Variants in EVL observed in about 807,000 individuals in gnomAD.
EVL encodes the protein Enah/Vasp-like.
EVL carries 21 observed loss-of-function variants against 59.6 expected under a neutral mutation model. The ratio of observed to expected loss-of-function variants is 0.35; its 90% CI spans 0.25 to 0.51. The LOEUF (loss-of-function observed/expected upper bound fraction) is 0.51. EVL is among the 20% of genes least tolerant of loss of function. The pLI is 0.97. For synonymous variants in EVL, 198 were observed against 203.5 expected (o/e 0.97, Z 0.23); for missense variants, 462 against 546.6 (o/e 0.85, Z 1.54).
intron 1 of EVL, among the ~76,000 whole-genome samples, chr14:100,021,601 A>C (rs1005934598): frequency 1.3e-5 from 2 of 152,174 alleles, no homozygotes; most frequent in Non-Finnish European, 2.9e-5. Context: ...TTTAGCATGC[A>C]GCAGAATCCC....
In EVL at chr14:100,013,639, G is replaced by A. The variant is rs2061031582; in HGVS notation, c.5+41582G>A. Among the ~76,000 whole-genome samples the A allele has an allele frequency of 4.6e-5, 7 of 152,192 alleles. No homozygotes were observed. In the South Asian group the frequency reaches 1.4e-3, roughly 32 times the overall value. On this transcript the variant is annotated intron_variant, in intron 1 of 13. Coordinates refer to the EVL transcript ENST00000402714. ...TTGATTGGGCCATGAGAAAAGAATA[G>A]TATTTTTAGTCATGTTCATAGCTGA...
intron 3 of EVL, among the ~76,000 whole-genome samples, chr14:100,117,979 G>A (rs1032842887): frequency 2.0e-5 from 3 of 152,218 alleles, no homozygotes; most frequent in African/African-American, 7.2e-5. Flanking sequence ...GTATTGCATT[G>A]ACTATAGGTC....
chr14:99,982,383 GGGACCAAAGGGTATAAACATTTTAAA>G (rs1307964769), intron 1 of EVL, among the ~76,000 whole-genome samples: 4 of 152,022 alleles, frequency 2.6e-5, no homozygotes, highest in African/African-American at 9.7e-5. Flanking sequence ...TGGTATTTTT[GGGACCAAAGGGTATAAACATTTTAAA>G]GGCTATCAAT....
chr14:100,143,320 C>A (rs999670292), intron 13 of EVL, among the ~76,000 whole-genome samples: 1 of 152,014 alleles, frequency 6.6e-6, no homozygotes, highest in Admixed American at 6.5e-5. Flanking sequence ...GGCTCCCGGG[C>A]CCCCGGCACC....
intron 1 of EVL, among the ~76,000 whole-genome samples, chr14:100,084,115 A>G (rs1260280302): frequency 6.8e-6 from 1 of 146,096 alleles, no homozygotes; most frequent in African/African-American, 2.6e-5. Context: ...GCAGTGGTGC[A>G]ATCTTGGCTC....
rs528589699 is a variant in EVL, at chr14:100,037,447, A to G, written c.6-47240A>G. ...AATCTTCCTTCTCATATACTCTGAA[A>G]ATACTCTTGCACCTACTTCTGTTTC... On this transcript the variant is annotated intron_variant, in intron 1 of 13. Transcript: ENST00000402714. 5.3e-5 allele frequency among the ~76,000 whole-genome samples: 8 copies of G among 152,278 alleles called. No individual in the cohort carries two copies. The South Asian group carries it at 1.7e-3, about 32-fold the overall frequency.
At chr14:100,050,282 A>G (rs531044875) in intron 1 of EVL, among the ~76,000 whole-genome samples, 2 of 152,312 alleles carry the variant, frequency 1.3e-5, no homozygotes, top group South Asian at 4.1e-4. Context: ...AAATGTCAAC[A>G]GGAGGTATCT....
chr14:100,037,274 A>C (rs1181389456), intron 1 of EVL, among the ~76,000 whole-genome samples: 1 of 152,220 alleles, frequency 6.6e-6, no homozygotes, highest in African/African-American at 2.4e-5. Context: ...ATCACTGTCT[A>C]GTCTAATTTC....
chr14:100,127,427 C>T lies in EVL; in HGVS notation c.487+656C>T, dbSNP rs930766949. Reference sequence around the variant, plus strand: ...CCTGTTGACTGATGAGAAACCCGAGCCCCCACTGGTTACAGGAACGCTCTG... The same window carrying T: ...CCTGTTGACTGATGAGAAACCCGAGTCCCCACTGGTTACAGGAACGCTCTG... On this transcript the variant is annotated intron_variant, in intron 5 of 13. Transcript: ENST00000392920. This position sits in a 1 kb window ranked among gnomAD's most constrained non-coding sequence, Gnocchi z 4.2. 6.6e-6 allele frequency among the ~76,000 whole-genome samples: 1 copy of T among 152,154 alleles called. No homozygotes were observed. Among genetic ancestry groups the T allele is most frequent in the African/African-American group, 2.4e-5 (1 of 41,430 alleles).
chr14:100,069,108 G>A (rs2061996519), intron 1 of EVL, among the ~76,000 whole-genome samples: 2 of 152,170 alleles, frequency 1.3e-5, no homozygotes, highest in South Asian at 4.1e-4. Context: ...GTTCAGTGGT[G>A]TATCCCCAGT....
intron 1 of EVL, among the ~76,000 whole-genome samples, chr14:100,072,727 A>C (rs1022567960): frequency 6.6e-6 from 1 of 152,240 alleles, no homozygotes; most frequent in Non-Finnish European, 1.5e-5. Flanking sequence ...AATGTTAACC[A>C]TGGGCAGGTT....
At chr14:100,119,054 G>A (rs1011882300) in intron 3 of EVL, among the ~76,000 whole-genome samples, 15 of 152,348 alleles carry the variant, frequency 9.8e-5, no homozygotes, top group East Asian at 7.7e-4. Flanking sequence ...CCTATGGCCC[G>A]TCCTGCTACC....
chr14:100,080,049 G>C (rs1016649290), intron 1 of EVL, among the ~76,000 whole-genome samples: 1 of 151,902 alleles, frequency 6.6e-6, no homozygotes, highest in East Asian at 1.9e-4. Flanking sequence ...CAGAAAATTT[G>C]GGATGTGTTT....
At chr14:100,021,026 G>T (rs984657971) in intron 1 of EVL, among the ~76,000 whole-genome samples, 6 of 152,216 alleles carry the variant, frequency 3.9e-5, no homozygotes, top group Non-Finnish European at 7.3e-5. Flanking sequence ...TAGGCCCCTG[G>T]GTTCTAATGT....
At position 100,072,338 on chromosome 14, in the gene EVL, A is replaced by G. The variant is rs144934087; in HGVS notation, c.11+6827A>G. ...CTCCCTGTGCCTCCTGGGTTCAAGC[A>G]GTTCTCCTGCCTCAGCCTCCCGAGT... On this transcript the variant is annotated intron_variant, in intron 1 of 13. Transcript: ENST00000392920. 4.3e-3 allele frequency among the ~76,000 whole-genome samples: 662 copies of G among 152,284 alleles called. 6 individuals are homozygous for G. Among genetic ancestry groups the G allele is most frequent in the African/African-American group, 0.015 (618 of 41,548 alleles).
At chr14:100,021,068 G>A (rs756306088) in intron 1 of EVL, among the ~76,000 whole-genome samples, 60 of 152,348 alleles carry the variant, frequency 3.9e-4, no homozygotes, top group Non-Finnish European at 7.2e-4. Flanking sequence ...TGATCCTTGT[G>A]AGAGTTATGG....
intron 7 of EVL, among the ~76,000 whole-genome samples, chr14:100,132,217 A>G (rs1888480333): frequency 6.7e-6 from 1 of 150,082 alleles, no homozygotes; most frequent in Non-Finnish European, 1.5e-5. Context: ...TCTTCTGAGC[A>G]TTTCCAGGCT....
rs568057336 is a variant in EVL at position 99,988,819 on chromosome 14, CATATTGTATG to C, written c.5+16765_5+16774del. On this transcript the variant is annotated intron_variant, in intron 1 of 13. Coordinates refer to the EVL transcript ENST00000402714. ...TGACAGGTGCAGTCACAAAAGACCACATATTGTATGATTCCATTTACATGAAATGTCCAGA... is the reference window on the plus strand; with the variant it reads ...TGACAGGTGCAGTCACAAAAGACCACATTCCATTTACATGAAATGTCCAGA... 1.9e-4 allele frequency among the ~76,000 whole-genome samples: 29 copies of C among 152,278 alleles called. 1 individual carries two copies. The highest frequency in any genetic ancestry group is 6.0e-4 in the African/African-American group (25 of 41,546).
At position 100,015,266 on chromosome 14, in the gene EVL, G is replaced by A. The variant is rs915572450; in HGVS notation, c.5+43209G>A. ...CTTTTCTTGGACAGTTGACCATTTCGTATGAAAAGACATGGGTTGCAAAAC... is the reference window on the plus strand; with the variant it reads ...CTTTTCTTGGACAGTTGACCATTTCATATGAAAAGACATGGGTTGCAAAAC... On this transcript the variant is annotated intron_variant, in intron 1 of 13. Transcript: ENST00000402714. 3.9e-5 allele frequency among the ~76,000 whole-genome samples: 6 copies of A among 152,164 alleles called. No homozygotes were observed. In the South Asian group the frequency reaches 6.2e-4, roughly 16 times the overall value.
Sources: allele counts gnomAD v4.1 joint callset (sites outside exome capture counted in the v4.1 genomes callset), GRCh38; gene constraint gnomAD v4.1.1; non-coding constraint Gnocchi (gnomAD v3.1); transcripts MANE v1.5; gene names NCBI Gene and HGNC (gene_info 2026-07-23, HGNC 2026-07-21).